The following WDR88 variants were observed in gnomAD, a reference collection of about 807,000 sequenced individuals.
WDR88 encodes WD repeat domain 88, also known as WD repeat-containing protein 88.
WDR88 carries 40 observed loss-of-function variants against 46.8 expected under a neutral mutation model. The observed-to-expected ratio is 0.86, with a 90% CI of 0.66 to 1.11. WDR88 has a LOEUF of 1.11. Ranked by LOEUF, WDR88 falls within the 50% of genes most tolerant of loss-of-function variation. WDR88 has a pLI of 0.00. For synonymous variants in WDR88, 235 were observed against 240.7 expected, an observed-to-expected ratio of 0.98 and a Z score of 0.22; for missense variants, 562 against 602.4, an observed-to-expected ratio of 0.93 and a Z score of 0.70.
chr19:33,150,965 C>T lies in WDR88; in HGVS notation c.680-216C>T, dbSNP rs1304902265. 1.1e-4 allele frequency among the ~76,000 whole-genome samples: 16 copies of T among 152,378 alleles called. No individual in the cohort carries two copies. The East Asian group carries it at 2.3e-3, about 22-fold the overall frequency. ...GCCTGGTCCGGGGTGTCTCCTCCAT[C>T]AGACTGGCAGCTCTGCGGGGGCAGG... On this transcript the variant is annotated intron_variant, in intron 5 of 10. Coordinates refer to ENST00000355868, the MANE Select transcript of WDR88 (RefSeq NM_173479.4).
intron 10 of WDR88, chr19:33,174,888 G>T: frequency 1.0e-6 from 1 of 985,352 alleles, no homozygotes; most frequent in Non-Finnish European, 1.2e-6. Flanking sequence ...CCATTGGTGG[G>T]GAAGCAGCCT....
intron 9 of WDR88, among the ~76,000 whole-genome samples, chr19:33,168,700 G>C (rs1973991821): frequency 6.6e-6 from 1 of 152,182 alleles, no homozygotes; most frequent in South Asian, 2.1e-4. Context: ...GTAATCTACA[G>C]ATTCTGCATA....
chr19:33,140,266 C>T (rs1973362965), intron 2 of WDR88, among the ~76,000 whole-genome samples: 1 of 152,146 alleles, frequency 6.6e-6, no homozygotes, highest in African/African-American at 2.4e-5. Context: ...GCAATCCCCC[C>T]ATCTCAACAC....
chr19:33,165,287 G>C (rs937631866), intron 9 of WDR88, among the ~76,000 whole-genome samples: 9 of 152,134 alleles, frequency 5.9e-5, no homozygotes, highest in African/African-American at 1.9e-4. Context: ...CTAAATCCAG[G>C]AGACTGTGGG....
At chr19:33,168,657 A>G (rs1174832760) in intron 9 of WDR88, among the ~76,000 whole-genome samples, 1 of 152,236 alleles carries the variant, frequency 6.6e-6, no homozygotes, top group African/African-American at 2.4e-5. Context: ...ATGGATAGGA[A>G]GACTCATCAT....
intron 7 of WDR88, among the ~76,000 whole-genome samples, chr19:33,157,687 G>GTATA (rs1173664875): frequency 3.0e-4 from 1 of 3,384 alleles, no homozygotes; most frequent in South Asian, 5.6e-3. Context: ...GTGTATGTAT[G>GTATA]TATATATATA....
rs760441868 is a variant in WDR88 at position 33,173,946 on chromosome 19, G to C, written c.1243-1450G>C. On this transcript the variant is annotated intron_variant, in intron 10 of 10. Transcript: ENST00000355868. The stretch of plus-strand genomic sequence containing the variant: ...TCTCACTGCAACCTCCGCCTCCCGG[G>C]TTCAAGCGATTCTCCTGCCTCAGCC... Among the ~76,000 whole-genome samples, 3 of 152,286 alleles carry C rather than the reference G, an allele frequency of 2.0e-5. 1 individual carries two copies. The South Asian group carries it at 6.2e-4, about 32-fold the overall frequency.
intron 2 of WDR88, among the ~76,000 whole-genome samples, chr19:33,139,341 G>A (rs2145366298): frequency 6.6e-6 from 1 of 152,372 alleles, no homozygotes; most frequent in African/African-American, 2.4e-5. Context: ...GGCTGGGGAG[G>A]AGCAGGGCTG....
chr19:33,153,227 T>G (rs1973669419), intron 6 of WDR88, among the ~76,000 whole-genome samples: 1 of 111,286 alleles, frequency 9.0e-6, no homozygotes, highest in Non-Finnish European at 1.6e-5. Flanking sequence ...ATTTTTAAGT[T>G]TGTTTTTTTT....
At chr19:33,172,541 C>T (rs1974055670) in intron 10 of WDR88, 101 bp downstream of exon 10, 13 of 943,034 alleles carry the variant, frequency 1.4e-5, no homozygotes, top group Middle Eastern at 2.3e-4. Flanking sequence ...GAGATGCAAT[C>T]GTGAACAAAC....
chr19:33,154,854 G>A (rs1436501308), intron 6 of WDR88, among the ~76,000 whole-genome samples: 2 of 152,144 alleles, frequency 1.3e-5, no homozygotes, highest in African/African-American at 4.8e-5. Flanking sequence ...CTGCGAAGTT[G>A]ACATTTCTTC....
intron 7 of WDR88, among the ~76,000 whole-genome samples, chr19:33,157,145 T>TATG (rs1184392606): frequency 6.6e-6 from 1 of 150,734 alleles, no homozygotes; most frequent in East Asian, 2.0e-4. Flanking sequence ...TGCAGTGAGC[T>TATG]ATGATTGTGC....
chr19:33,162,225 G>A (rs1264955624), intron 8 of WDR88, among the ~76,000 whole-genome samples: 1 of 151,752 alleles, frequency 6.6e-6, no homozygotes, highest in Non-Finnish European at 1.5e-5. Context: ...TTTGAGACGG[G>A]AGTCTCGCTC....
rs144728642 is a variant in WDR88, at chr19:33,136,865, C to T, written c.277-812C>T. Reference sequence around the variant, plus strand: ...GTGCTGAGATTATAATTGTGAGCCACCACATCCCGCCCTTGCATATCTTCT... The same window carrying T: ...GTGCTGAGATTATAATTGTGAGCCATCACATCCCGCCCTTGCATATCTTCT... On this transcript the variant is annotated intron_variant, in intron 1 of 10. Transcript: ENST00000355868. Among the ~76,000 whole-genome samples, 445 of 152,266 alleles carry T rather than the reference C, an allele frequency of 2.9e-3. 4 individuals are homozygous for T. The highest frequency in any genetic ancestry group is 0.01 in the African/African-American group (420 of 41,568).
chr19:33,150,864 G>A (rs1050193754), intron 5 of WDR88, among the ~76,000 whole-genome samples: 2 of 152,204 alleles, frequency 1.3e-5, no homozygotes, highest in African/African-American at 4.8e-5. Context: ...ACCCCTCAGG[G>A]TGGCCAGGCT....
At chr19:33,173,564 C>T (rs1599921770) in intron 10 of WDR88, among the ~76,000 whole-genome samples, 3 of 152,262 alleles carry the variant, frequency 2.0e-5, no homozygotes, top group East Asian at 3.8e-4. Flanking sequence ...GACTTGGCCT[C>T]CTCTCAGAAG....
At chr19:33,138,271 T>G (rs1304079527) in intron 2 of WDR88, among the ~76,000 whole-genome samples, 1 of 152,080 alleles carries the variant, frequency 6.6e-6, no homozygotes, top group East Asian at 1.9e-4. Flanking sequence ...AGGCTGGTCT[T>G]GAACTCCTGA....
At chr19:33,164,651 G>T (rs184744905) in intron 9 of WDR88, among the ~76,000 whole-genome samples, 3 of 152,094 alleles carry the variant, frequency 2.0e-5, no homozygotes, top group Non-Finnish European at 1.5e-5. Flanking sequence ...CCATTCCACT[G>T]GCACATAGCA....
chr19:33,159,092 G>A (rs920810838), intron 7 of WDR88, among the ~76,000 whole-genome samples: 7 of 151,652 alleles, frequency 4.6e-5, no homozygotes, highest in Non-Finnish European at 8.8e-5. Flanking sequence ...TGCTGGGGGG[G>A]TGCTGAGGCG....
Sources: gnomAD v4.1 joint callset for allele counts (sites outside exome capture counted in the v4.1 genomes callset) on GRCh38, gnomAD v4.1.1 for gene constraint, MANE v1.5 for transcripts, NCBI Gene and HGNC (gene_info 2026-07-23, HGNC 2026-07-21) for gene names.